The following LRBA variants were observed in gnomAD, a reference collection of about 807,000 sequenced individuals.
LRBA encodes lipopolysaccharide-responsive and beige-like anchor protein.
Under a neutral mutation model 330.0 loss-of-function variants are expected in LRBA, and 176 were observed. The observed-to-expected ratio is 0.53, with a 90% CI of 0.47 to 0.60. The LOEUF (loss-of-function observed/expected upper bound fraction) is 0.60. LRBA is among the 20% of genes least tolerant of loss of function. The pLI is 0.00. For synonymous variants in LRBA, 1,230 were observed against 1,193.0 expected (o/e 1.03, Z -0.64); for missense variants, 3,259 against 3,444.8 (o/e 0.95, Z 1.35).
chr4:150,630,570 G>T (rs1366703730), intron 37 of LRBA, among the ~76,000 whole-genome samples: 1 of 150,776 alleles, frequency 6.6e-6, no homozygotes, highest in African/African-American at 2.4e-5. Context: ...ACTTAAACAG[G>T]TTTACAGATT....
chr4:150,546,482 T>C (rs1030208775), intron 40 of LRBA, among the ~76,000 whole-genome samples: 7 of 152,226 alleles, frequency 4.6e-5, no homozygotes, highest in African/African-American at 1.2e-4. Flanking sequence ...CTTTGTCCCA[T>C]TGCACAAGGT....
chr4:150,360,722 G>A (rs1476894508), intron 47 of LRBA, among the ~76,000 whole-genome samples: 5 of 152,170 alleles, frequency 3.3e-5, no homozygotes, highest in Non-Finnish European at 7.3e-5. Flanking sequence ...TTTTGAAGAG[G>A]CCATTACAAT....
intron 37 of LRBA, among the ~76,000 whole-genome samples, chr4:150,648,236 G>A (rs1318530576): frequency 7.1e-6 from 1 of 140,064 alleles, no homozygotes; most frequent in East Asian, 2.2e-4. Context: ...ACAAGGAAGT[G>A]GTCTACACAA....
At chr4:150,802,272 G>A (rs1028976797) in intron 33 of LRBA, among the ~76,000 whole-genome samples, 4 of 146,106 alleles carry the variant, frequency 2.7e-5, no homozygotes, top group African/African-American at 5.0e-5. Flanking sequence ...GCAATACAAC[G>A]ACAGAGGCTA....
intron 56 of LRBA, 50 bp downstream of exon 56, chr4:150,277,803 C>A (rs1235850142): frequency 6.3e-7 from 1 of 1,579,276 alleles, no homozygotes; most frequent in African/African-American, 1.3e-5. Context: ...CGACCAGTCC[C>A]CTCTGCAGTT....
chr4:150,916,575 C>G (rs1732614884), intron 6 of LRBA, 42 bp downstream of exon 6: 1 of 1,607,454 alleles, frequency 6.2e-7, no homozygotes, highest in Non-Finnish European at 8.5e-7. Flanking sequence ...TTCTCAGTTT[C>G]AAAGTAAGGT....
At chr4:150,494,668 T>C (rs572629415) in intron 40 of LRBA, among the ~76,000 whole-genome samples, 1 of 152,194 alleles carries the variant, frequency 6.6e-6, no homozygotes, top group Admixed American at 6.5e-5. Flanking sequence ...AGTGTCATAG[T>C]CCTTTAAAAT....
chr4:150,798,196 T>C, intron 33 of LRBA, 54 bp from the exon 34 acceptor site: 1 of 1,132,852 alleles, frequency 8.8e-7, no homozygotes, highest in Non-Finnish European at 1.3e-6. Context: ...AATGAGGATT[T>C]GTTACAATTT....
intron 36 of LRBA, among the ~76,000 whole-genome samples, chr4:150,711,174 T>C (rs2127036965): frequency 6.6e-6 from 1 of 151,952 alleles, no homozygotes; most frequent in African/African-American, 2.4e-5. Context: ...TGGTTAAAAA[T>C]CACAGGTTTC....
At chr4:150,503,988 A>G (rs866640783) in intron 40 of LRBA, among the ~76,000 whole-genome samples, 18 of 152,360 alleles carry the variant, frequency 1.2e-4, no homozygotes, top group African/African-American at 2.2e-4. Context: ...AAGAAAGGGT[A>G]TCAGTGATGG....
chr4:150,672,990 T>A (rs764878847), intron 37 of LRBA, among the ~76,000 whole-genome samples: 1 of 152,134 alleles, frequency 6.6e-6, no homozygotes, highest in African/African-American at 2.4e-5. Flanking sequence ...GACTGACTGA[T>A]TTAGTCAGTC....
chr4:150,294,979 C>T (rs1007302546), intron 53 of LRBA, among the ~76,000 whole-genome samples: 3 of 151,766 alleles, frequency 2.0e-5, no homozygotes, highest in Non-Finnish European at 4.4e-5. Flanking sequence ...GTAGTAGTAG[C>T]AACAGAATGA....
rs1742761512 is a variant in LRBA at position 150,806,148 on chromosome 4, G to A, written c.5518+123C>T. On this transcript the variant is annotated intron_variant, in intron 33 of 56. Transcript: ENST00000651943. ...ACACAGTCTTCAAAAGATAGCCTAT[G>A]AGAAACCTTGTCAAAGGCTGACAAC... The A allele has an allele frequency of 4.7e-6, 3 of 639,386 alleles. No individual in the cohort carries two copies. In the South Asian group the frequency reaches 9.9e-5, roughly 21 times the overall value. 39.6% of individuals were successfully genotyped at this position (639,386 alleles called of 1,614,324 possible).
intron 40 of LRBA, among the ~76,000 whole-genome samples, chr4:150,518,227 G>C (rs1762565547): frequency 6.6e-6 from 1 of 152,164 alleles, no homozygotes; most frequent in African/African-American, 2.4e-5. Context: ...CACATTAGTG[G>C]ATCTGATAAC....
chr4:150,666,662 C>A (rs1018486897), intron 37 of LRBA, among the ~76,000 whole-genome samples: 1 of 152,052 alleles, frequency 6.6e-6, no homozygotes, highest in Non-Finnish European at 1.5e-5. Flanking sequence ...CCATTTTATA[C>A]AAGGAACTTG....
At chr4:150,514,240 T>C (rs1181202785) in intron 40 of LRBA, among the ~76,000 whole-genome samples, 2 of 151,626 alleles carry the variant, frequency 1.3e-5, no homozygotes, top group Admixed American at 6.6e-5. Flanking sequence ...GCCCAGCTAA[T>C]TTTGTATTTT....
chr4:150,901,185 G>A (rs887807110), intron 13 of LRBA, among the ~76,000 whole-genome samples: 2 of 152,106 alleles, frequency 1.3e-5, no homozygotes, highest in Admixed American at 1.3e-4. Context: ...TGTAGTCCCA[G>A]GTACTCAGGA....
chr4:150,280,510 T>C (rs548565532), intron 55 of LRBA, among the ~76,000 whole-genome samples: 52 of 152,214 alleles, frequency 3.4e-4, no homozygotes, highest in Admixed American at 6.5e-4. Context: ...ATATCAGCTA[T>C]TCATAAAGAC....
rs776235389 is a variant in LRBA at position 150,882,337 on chromosome 4, C to A, written c.2166-9582G>T. Among the ~76,000 whole-genome samples, 6 of 152,042 alleles carry A rather than the reference C, an allele frequency of 3.9e-5. No individual in the cohort carries two copies. The South Asian group carries it at 8.3e-4, about 21-fold the overall frequency. On this transcript the variant is annotated intron_variant, in intron 17 of 56. Transcript: ENST00000651943. ...GTAAAAGTTAAATGGGCCTATTTTG[C>A]TTTTTGACCATAGTTTTGTTCTTAT...
Sources: allele counts gnomAD v4.1 joint callset (sites outside exome capture counted in the v4.1 genomes callset), GRCh38; gene constraint gnomAD v4.1.1; transcripts MANE v1.5; gene names NCBI Gene and HGNC (gene_info 2026-07-23, HGNC 2026-07-21).